The following AUTS2 variants were observed in gnomAD, a reference collection of about 807,000 sequenced individuals.
The protein encoded by AUTS2 is activator of transcription and developmental regulator AUTS2.
A neutral mutation model predicts 112.4 loss-of-function variants in AUTS2; 17 were observed. The ratio of observed to expected loss-of-function variants is 0.15; its 90% confidence interval spans 0.10 to 0.23. The LOEUF (loss-of-function observed/expected upper bound fraction) is 0.23. Ranked by LOEUF, AUTS2 falls within the 10% of genes least tolerant of loss-of-function variation. AUTS2 has a pLI of 1.00. For synonymous variants in AUTS2, 751 were observed against 702.7 expected, an observed-to-expected ratio of 1.07 and a Z score of -1.09; for missense variants, 1,510 against 1,701.6, an observed-to-expected ratio of 0.89 and a Z score of 1.98.
At chr7:69,674,561 A>T (rs1332654634) in intron 1 of AUTS2, among the ~76,000 whole-genome samples, 2 of 150,830 alleles carry the variant, frequency 1.3e-5, no homozygotes, top group Non-Finnish European at 2.9e-5. Context: ...TGTAATTTTA[A>T]TAATAATAGC....
At chr7:70,665,447 TTATC>T (rs1395775729) in intron 5 of AUTS2, among the ~76,000 whole-genome samples, 23 of 134,138 alleles carry the variant, frequency 1.7e-4, no homozygotes, top group South Asian at 1.5e-3. Flanking sequence ...ATTTATCTAT[TTATC>T]TATTTATTTA....
chr7:70,144,205 TG>T (rs1280762705), intron 4 of AUTS2, among the ~76,000 whole-genome samples: 1 of 152,098 alleles, frequency 6.6e-6, no homozygotes, highest in Non-Finnish European at 1.5e-5. Flanking sequence ...CCTACCTTTG[TG>T]GAAAATAGAC....
intron 4 of AUTS2, among the ~76,000 whole-genome samples, chr7:70,257,390 T>C (rs192220294): frequency 1.2e-4 from 18 of 152,296 alleles, no homozygotes; most frequent in Non-Finnish European, 2.2e-4. Flanking sequence ...CAATCTCGGC[T>C]CACTGCAATC....
chr7:70,407,646 G>C (rs1309686975), intron 4 of AUTS2, among the ~76,000 whole-genome samples: 1 of 152,010 alleles, frequency 6.6e-6, no homozygotes, highest in Admixed American at 6.5e-5. Flanking sequence ...GAGCCAGGTG[G>C]GGTGGCCCAC....
chr7:70,265,419 T>C (rs1423563533), intron 4 of AUTS2, among the ~76,000 whole-genome samples: 4 of 152,170 alleles, frequency 2.6e-5, no homozygotes, highest in Non-Finnish European at 4.4e-5. Flanking sequence ...ATTTGCTTAA[T>C]AAAAATGAGT....
intron 5 of AUTS2, among the ~76,000 whole-genome samples, chr7:70,556,866 C>T (rs930639089): frequency 2.0e-5 from 3 of 152,162 alleles, no homozygotes; most frequent in African/African-American, 7.2e-5. Context: ...CTTCCCCACA[C>T]ACTGTGTTCC....
At position 70,005,504 on chromosome 7, in the gene AUTS2, T is replaced by C. The variant is rs575232241; in HGVS notation, c.522+106006T>C. On this transcript the variant is annotated intron_variant, in intron 2 of 18. Coordinates refer to ENST00000342771, the MANE Select transcript of AUTS2 (RefSeq NM_015570.4). ...AATGACCTCTTCCCTTGTGAGAGGCTCACTATTGTGATAGACCAACCTCTG... is the reference window on the plus strand; with the variant it reads ...AATGACCTCTTCCCTTGTGAGAGGCCCACTATTGTGATAGACCAACCTCTG... Among the ~76,000 whole-genome samples the C allele has an allele frequency of 1.8e-3, 267 of 152,282 alleles. 1 individual carries two copies. Among genetic ancestry groups the C allele is most frequent in the South Asian group, 1.7e-3 (8 of 4,824 alleles).
At chr7:70,707,909 T>A (rs907583752) in intron 6 of AUTS2, among the ~76,000 whole-genome samples, 4 of 152,184 alleles carry the variant, frequency 2.6e-5, no homozygotes, top group Non-Finnish European at 4.4e-5. Context: ...CCCAAATCTG[T>A]GCTGTTAACA....
chr7:70,221,413 T>A (rs1811480155), intron 4 of AUTS2, among the ~76,000 whole-genome samples: 1 of 152,206 alleles, frequency 6.6e-6, no homozygotes, highest in Non-Finnish European at 1.5e-5. Flanking sequence ...AAATGTACAT[T>A]CTCTGAGATT....
At chr7:69,818,068 T>C (rs1790837820) in intron 1 of AUTS2, among the ~76,000 whole-genome samples, 1 of 152,168 alleles carries the variant, frequency 6.6e-6, no homozygotes, top group Non-Finnish European at 1.5e-5. Context: ...CCCATGATTA[T>C]TCCTTGATGT....
intron 5 of AUTS2, among the ~76,000 whole-genome samples, chr7:70,488,353 G>A (rs1585205551): frequency 6.6e-6 from 1 of 152,192 alleles, no homozygotes; most frequent in East Asian, 1.9e-4. Context: ...CCCTCATGGA[G>A]GCCGGGGCTT....
intron 6 of AUTS2, among the ~76,000 whole-genome samples, chr7:70,731,319 ATT>A (rs575885880): frequency 8.5e-6 from 1 of 118,256 alleles, no homozygotes. Context: ...AGAAGATACT[ATT>A]TTTTTTTTTT....
At position 70,764,736 on chromosome 7, in the gene AUTS2, T is replaced by C. The variant is rs1200742680; in HGVS notation, c.1215-16T>C. ...TTTTTTATTTTTTTCTTTTCTTTTT[T>C]TTCTTGTTCCGATAGCAGCAGCAGA... On this transcript the variant is annotated splice_polypyrimidine_tract_variant and intron_variant, in intron 7 of 18. Coordinates refer to ENST00000342771, the MANE Select transcript of AUTS2 (RefSeq NM_015570.4). 2.9e-5 allele frequency: 21 copies of C among 723,456 alleles called. No individual in the cohort carries two copies. The highest frequency in any genetic ancestry group is 2.3e-4 in the Middle Eastern group (1 of 4,372). The allele number at this position is 723,456 out of a possible 1,614,324, so 44.8% of individuals were successfully genotyped here.
intron 2 of AUTS2, among the ~76,000 whole-genome samples, chr7:70,029,566 C>T (rs1351032759): frequency 6.6e-6 from 1 of 152,000 alleles, no homozygotes; most frequent in Non-Finnish European, 1.5e-5. Flanking sequence ...CATGAATGTT[C>T]GTGTTCTGAG....
chr7:70,643,442 G>A (rs747930416), intron 5 of AUTS2, among the ~76,000 whole-genome samples: 21 of 152,130 alleles, frequency 1.4e-4, no homozygotes, highest in African/African-American at 2.4e-4. Context: ...ATGGTGGTGC[G>A]TGCCTGTAAT....
intron 4 of AUTS2, among the ~76,000 whole-genome samples, chr7:70,183,642 C>T (rs991955490): frequency 2.6e-5 from 4 of 152,184 alleles, no homozygotes; most frequent in African/African-American, 7.2e-5. Context: ...CTTTCCTCTT[C>T]CTTCTGCCCA....
In AUTS2 at chr7:70,586,543, G is replaced by A. The variant is rs527556534; in HGVS notation, c.691-112026G>A. ...CAAGAATTGCTCCAGGAAATGATGC[G>A]ATTGGGAGCATGACTGAAGCGTTGC... On this transcript the variant is annotated intron_variant, in intron 5 of 18. Coordinates refer to ENST00000342771, the MANE Select transcript of AUTS2 (RefSeq NM_015570.4). 4.5e-4 allele frequency among the ~76,000 whole-genome samples: 68 copies of A among 152,280 alleles called. 1 individual carries two copies. The highest frequency in any genetic ancestry group is 2.7e-3 in the Admixed American group (42 of 15,296).
intron 6 of AUTS2, among the ~76,000 whole-genome samples, chr7:70,740,830 A>C (rs1788060690): frequency 6.6e-6 from 1 of 152,176 alleles, no homozygotes; most frequent in African/African-American, 2.4e-5. Flanking sequence ...GCAGTGGCTC[A>C]TGCCTATAAT....
chr7:70,083,880 A>T (rs901506728), intron 2 of AUTS2, among the ~76,000 whole-genome samples: 2 of 152,150 alleles, frequency 1.3e-5, no homozygotes, highest in African/African-American at 4.8e-5. Flanking sequence ...CCAAGAGGTC[A>T]AGACTGCAGT....
Sources: allele counts gnomAD v4.1 joint callset (sites outside exome capture counted in the v4.1 genomes callset), GRCh38; gene constraint gnomAD v4.1.1; transcripts MANE v1.5; gene names NCBI Gene and HGNC (gene_info 2026-07-23, HGNC 2026-07-21).